Variants in HDAC10 observed in about 807,000 individuals in gnomAD.
HDAC10 encodes the protein polyamine deacetylase HDAC10.
HDAC10 carries 90 observed loss-of-function variants against 82.3 expected under a neutral mutation model. The ratio of observed to expected loss-of-function variants is 1.09; its 90% CI spans 0.92 to 1.30. The LOEUF (loss-of-function observed/expected upper bound fraction) is 1.30. Ranked by LOEUF, HDAC10 falls within the 50% of genes most tolerant of loss-of-function variation. The probability of loss-of-function intolerance (pLI) is 0.00; values close to 1 mark genes in which losing one functional copy is unlikely to be tolerated. For synonymous variants in HDAC10, 456 were observed against 391.7 expected (o/e 1.16, Z -1.94); for missense variants, 934 against 876.3 (o/e 1.07, Z -0.83).
Position 50,250,918 on chromosome 22 carries a change from A to T in HDAC10, c.60-13T>A. 6 of 1,605,874 alleles carry T rather than the reference A, an allele frequency of 3.7e-6. No individual in the cohort carries two copies. The highest frequency in any genetic ancestry group is 5.1e-6 in the Non-Finnish European group (6 of 1,176,156). On this transcript the variant is annotated splice_polypyrimidine_tract_variant and intron_variant, in intron 1 of 19. Coordinates refer to ENST00000216271, the MANE Select transcript of HDAC10 (RefSeq NM_032019.6). Reference sequence around the variant, plus strand: ...CTCGCACTCGGGGCTGGGGCAGATGAGGAGCTCAGTTCAGAGGTCCCTCCC... The same window carrying T: ...CTCGCACTCGGGGCTGGGGCAGATGTGGAGCTCAGTTCAGAGGTCCCTCCC...
intron 3 of HDAC10, 106 bp downstream of exon 3, chr22:50,250,321 G>A: frequency 3.2e-6 from 4 of 1,252,068 alleles, no homozygotes; most frequent in Non-Finnish European, 3.5e-6. Context: ...GCAATGTCAT[G>A]TGTATGGACC....
At position 50,247,873 on chromosome 22, in the gene HDAC10, A is replaced by G. The variant is rs1485278471; in HGVS notation, c.1337+17T>C. ...TAGATGCGGCCCCATCCTTCTCCCCAGGCCAGCCCTGCCCACCTGGCCCAG... is the reference window on the plus strand; with the variant it reads ...TAGATGCGGCCCCATCCTTCTCCCCGGGCCAGCCCTGCCCACCTGGCCCAG... On this transcript the variant is annotated intron_variant, in intron 13 of 19. Coordinates refer to ENST00000216271, the MANE Select transcript of HDAC10 (RefSeq NM_032019.6). The G allele has an allele frequency of 6.2e-7, 1 of 1,611,800 alleles. No homozygotes were observed. The highest frequency in any genetic ancestry group is 1.1e-5 in the South Asian group (1 of 91,006).
At position 50,250,078 on chromosome 22, in the gene HDAC10, C is replaced by A. The variant is rs768694539; in HGVS notation, c.374G>T (p.Gly125Val). ...CAGCTCTCACCTCACCAGGGCAAGC[C>A]CATTTTGCACAGCTCCAGTGAGCAC... ...DAVLTGAVQN[G>V]LALVRPPGHH... Residue 125 changes from glycine (G) to valine (V), a missense_variant, in exon 4 of 20, where the codon GGG becomes GTG. Coordinates refer to ENST00000216271, the MANE Select transcript of HDAC10 (RefSeq NM_032019.6). 9 of 1,612,758 alleles carry A rather than the reference C, an allele frequency of 5.6e-6. No homozygotes were observed. The highest frequency in any genetic ancestry group is 1.7e-5 in the Admixed American group (1 of 60,026).
At chr22:50,247,083 T>G in intron 14 of HDAC10, 117 bp from the exon 15 acceptor site, 3 of 601,648 alleles carry the variant, frequency 5.0e-6, no homozygotes, top group Non-Finnish European at 8.8e-6. Context: ...CCACACATCT[T>G]CTTACACTAA....
chr22:50,250,488 A>T lies in HDAC10; in HGVS notation c.230T>A (p.Val77Asp). Residue 77 changes from valine to aspartate, a missense_variant, in exon 3 of 20, where the codon GTC (valine) becomes GAC (aspartate). Physicochemically the swap from Val to Asp is radical, Grantham distance 152 (BLOSUM62 -3). Transcript: ENST00000216271. ...CGCCTGCAGCTCCTCCTTGCCTAGGACCTGGGTCTCCCTGACCAGGGATAC... is the reference window on the plus strand; with the variant it reads ...CGCCTGCAGCTCCTCCTTGCCTAGGTCCTGGGTCTCCCTGACCAGGGATAC... ...EYVSLVRETQVLGKEELQALS... is the reference protein window; with the variant it reads ...EYVSLVRETQDLGKEELQALS... 6.2e-7 allele frequency: 1 copy of T among 1,612,740 alleles called. No individual in the cohort carries two copies. Among genetic ancestry groups the T allele is most frequent in the Non-Finnish European group, 8.5e-7 (1 of 1,179,950 alleles).
In HDAC10 at chr22:50,248,970, C is replaced by A. The variant is rs948845508; in HGVS notation, c.757-80G>T. On this transcript the variant is annotated intron_variant, in intron 8 of 19. Transcript: ENST00000216271. The surrounding 1 kb of genome is among the most constrained non-coding windows in gnomAD (Gnocchi z 5.4). Reference sequence around the variant, plus strand: ...GAGGGCGAGCCAGGCCCATCCCATCCCCTCCTGAGCACCTTCCCCAGCCAC... The same window carrying A: ...GAGGGCGAGCCAGGCCCATCCCATCACCTCCTGAGCACCTTCCCCAGCCAC... The A allele has an allele frequency of 5.3e-6, 8 of 1,499,766 alleles. No individual in the cohort carries two copies. Among genetic ancestry groups the A allele is most frequent in the Non-Finnish European group, 7.3e-6 (8 of 1,094,240 alleles). 92.9% of individuals were successfully genotyped at this position (1,499,766 alleles called of 1,614,324 possible). A position where few individuals can be genotyped will look rare whatever the true frequency, so the allele number is the denominator to read the frequency against.
In HDAC10 at chr22:50,248,184, C is replaced by A; in HGVS notation, c.1082-39G>T. On this transcript the variant is annotated intron_variant, in intron 12 of 19. Coordinates refer to ENST00000216271, the MANE Select transcript of HDAC10 (RefSeq NM_032019.6). The surrounding 1 kb of genome is among the most constrained non-coding windows in gnomAD (Gnocchi z 5.4). ...GGAGTCATAGCCACTGCACAGGAGC[C>A]CGAGGTGGGATCCTGCAGCCTAGCA... The A allele has an allele frequency of 6.2e-7, 1 of 1,600,270 alleles. No homozygotes were observed. Among genetic ancestry groups the A allele is most frequent in the Non-Finnish European group, 8.5e-7 (1 of 1,173,674 alleles).
Position 50,251,045 on chromosome 22 carries a change from G to C in HDAC10, c.-13C>G. On this transcript the variant is annotated 5_prime_UTR_variant, in exon 1 of 20. Coordinates refer to ENST00000216271, the MANE Select transcript of HDAC10 (RefSeq NM_032019.6). ...GCGCGGTCCCCATGGCTGCGCCGTG[G>C]TCACCCTGGGTTCCCAAACGCCCTC... The C allele has an allele frequency of 1.2e-6, 2 of 1,607,354 alleles. No homozygotes were observed. Among genetic ancestry groups the C allele is most frequent in the South Asian group, 2.2e-5 (2 of 90,626 alleles).
At position 50,245,948 on chromosome 22, in the gene HDAC10, C is replaced by G; in HGVS notation, c.1795G>C (p.Gly599Arg). 6 of 1,599,648 alleles carry G rather than the reference C, an allele frequency of 3.8e-6. No individual in the cohort carries two copies. The highest frequency in any genetic ancestry group is 5.1e-6 in the Non-Finnish European group (6 of 1,174,124). Reference protein sequence around the residue: ...HAALLAAMLRGLAGGRVLALL... With the variant: ...HAALLAAMLRRLAGGRVLALL... Reference sequence around the variant, plus strand: ...GCCAGGACTCGGCCCCCTGCCAGCCCCCGAAGCATTGCAGCCAGGAGTGCA... The same window carrying G: ...GCCAGGACTCGGCCCCCTGCCAGCCGCCGAAGCATTGCAGCCAGGAGTGCA... The change falls in exon 18 of 20, where the codon GGG (glycine) becomes CGG (arginine). Residue 599 changes from glycine (G) to arginine (R), a missense_variant. Physicochemically the swap from Gly to Arg is moderately radical, Grantham distance 125. Transcript: ENST00000216271.
chr22:50,245,943 C>CA lies in HDAC10; in HGVS notation c.1799dup (p.Ala601GlyfsTer32). The CA allele has an allele frequency of 3.8e-6, 6 of 1,595,956 alleles. No individual in the cohort carries two copies. Among genetic ancestry groups the CA allele is most frequent in the Non-Finnish European group, 5.1e-6 (6 of 1,172,158 alleles). ...GGAGGGCCAGGACTCGGCCCCCTGCCAGCCCCCGAAGCATTGCAGCCAGGA... is the reference window on the plus strand; with the variant it reads ...GGAGGGCCAGGACTCGGCCCCCTGCCAAGCCCCCGAAGCATTGCAGCCAGGA... On this transcript the variant is annotated frameshift_variant, in exon 18 of 20. Coordinates refer to ENST00000216271, the MANE Select transcript of HDAC10 (RefSeq NM_032019.6). LOFTEE classifies it high-confidence loss of function.
rs757788385 is a variant in HDAC10, at chr22:50,248,220, C to T, written c.1081+5G>A. The T allele has an allele frequency of 3.7e-6, 6 of 1,611,430 alleles. No individual in the cohort carries two copies. Among genetic ancestry groups the T allele is most frequent in the East Asian group, 2.2e-5 (1 of 44,878 alleles). ...TCCTGCAGCCTAGCACCCGGCCACACTGACCTTGCTGCTGGAGGCTCTTCC... is the reference window on the plus strand; with the variant it reads ...TCCTGCAGCCTAGCACCCGGCCACATTGACCTTGCTGCTGGAGGCTCTTCC... On this transcript the variant is annotated splice_donor_5th_base_variant and intron_variant, in intron 12 of 19. Transcript: ENST00000216271. The surrounding 1 kb of genome is among the most constrained non-coding windows in gnomAD (Gnocchi z 5.4).
In HDAC10 at chr22:50,248,964, C is replaced by T; in HGVS notation, c.757-74G>A. On this transcript the variant is annotated intron_variant, in intron 8 of 19. Coordinates refer to ENST00000216271, the MANE Select transcript of HDAC10 (RefSeq NM_032019.6). The surrounding 1 kb of genome is among the most constrained non-coding windows in gnomAD (Gnocchi z 5.4). The stretch of plus-strand genomic sequence containing the variant: ...CCAGGTGAGGGCGAGCCAGGCCCAT[C>T]CCATCCCCTCCTGAGCACCTTCCCC... The T allele has an allele frequency of 6.6e-7, 1 of 1,512,224 alleles. No homozygotes were observed. Among genetic ancestry groups the T allele is most frequent in the South Asian group, 1.2e-5 (1 of 85,288 alleles). 93.7% of individuals were successfully genotyped at this position (1,512,224 alleles called of 1,614,324 possible).
In HDAC10 at chr22:50,246,754, T is replaced by A. The variant is rs1376469025; in HGVS notation, c.1515-19A>T. 1.9e-6 allele frequency: 3 copies of A among 1,612,906 alleles called. No individual in the cohort carries two copies. The highest frequency in any genetic ancestry group is 2.5e-6 in the Non-Finnish European group (3 of 1,179,824). Reference sequence around the variant, plus strand: ...CAGCAGCCTGGAAGAAGAGCTGGCCTCAGGACAGGTGTTCATGTTGTCCAG... The same window carrying A: ...CAGCAGCCTGGAAGAAGAGCTGGCCACAGGACAGGTGTTCATGTTGTCCAG... On this transcript the variant is annotated intron_variant, in intron 15 of 19. Coordinates refer to ENST00000216271, the MANE Select transcript of HDAC10 (RefSeq NM_032019.6).
intron 3 of HDAC10, 56 bp downstream of exon 3, chr22:50,250,371 G>C: frequency 1.3e-6 from 2 of 1,535,826 alleles, no homozygotes; most frequent in Admixed American, 3.3e-5. Context: ...GGCTGTGAAC[G>C]CTCAAAGGCA....
rs1012057280 is a variant in HDAC10, at chr22:50,245,217, G to A, written c.*290C>T. The A allele has an allele frequency of 3.5e-6, 2 of 566,450 alleles. No homozygotes were observed. Among genetic ancestry groups the A allele is most frequent in the East Asian group, 3.1e-5 (1 of 32,190 alleles). The allele number at this position is 566,450 out of a possible 1,614,324, so 35.1% of individuals were successfully genotyped here. A position where few individuals can be genotyped will look rare whatever the true frequency, so the allele number is the denominator to read the frequency against. On this transcript the variant is annotated 3_prime_UTR_variant, in exon 20 of 20. Transcript: ENST00000216271. ...AGCGATGTTTACTAACGGCGCAAGG[G>A]CGGGGAGCGAAGCGCAGCGGGGCGC...
chr22:50,246,942 G>A lies in HDAC10; in HGVS notation c.1447C>T (p.Pro483Ser). 1.2e-6 allele frequency: 2 copies of A among 1,610,816 alleles called. No individual in the cohort carries two copies. Among genetic ancestry groups the A allele is most frequent in the Admixed American group, 1.7e-5 (1 of 59,874 alleles). Reference sequence around the variant, plus strand: ...AGGGTGGCTGCTGCAGCAGAGGCTGGAGTGGCTGCTATACCACTGTTCACC... The same window carrying A: ...AGGGTGGCTGCTGCAGCAGAGGCTGAAGTGGCTGCTATACCACTGTTCACC... Reference protein sequence around the residue: ...GQVNSGIAATPASAAAATLDV... With the variant: ...GQVNSGIAATSASAAAATLDV... The change falls in exon 15 of 20, where the codon CCA becomes TCA. Residue 483 changes from proline to serine, a missense_variant. Physicochemically the swap from Pro to Ser is moderately conservative, Grantham distance 74. Coordinates refer to ENST00000216271, the MANE Select transcript of HDAC10 (RefSeq NM_032019.6).
At chr22:50,250,020 G>A (rs768050704) in intron 4 of HDAC10, 43 bp downstream of exon 4, 38 of 1,609,638 alleles carry the variant, frequency 2.4e-5, no homozygotes, top group Admixed American at 5.0e-5. Context: ...CCCCTCACAG[G>A]GCCACCCACG....
Position 50,249,714 on chromosome 22 carries a change from A to C in HDAC10, c.495-11T>G, listed in dbSNP as rs779383538. Reference sequence around the variant, plus strand: ...TCCACGACGAGGATCCTGGGTACAGACAGCGCTGGTGGCAAAGGGGCAGGG... The same window carrying C: ...TCCACGACGAGGATCCTGGGTACAGCCAGCGCTGGTGGCAAAGGGGCAGGG... On this transcript the variant is annotated splice_polypyrimidine_tract_variant and intron_variant, in intron 5 of 19. Transcript: ENST00000216271. The surrounding 1 kb of genome is among the most constrained non-coding windows in gnomAD (Gnocchi z 4.4). 6.2e-7 allele frequency: 1 copy of C among 1,612,514 alleles called. No individual in the cohort carries two copies. Among genetic ancestry groups the C allele is most frequent in the South Asian group, 1.1e-5 (1 of 91,084 alleles).
intron 2 of HDAC10, 47 bp from the exon 3 acceptor site, chr22:50,250,570 C>G: frequency 6.7e-7 from 1 of 1,487,646 alleles, no homozygotes; most frequent in Non-Finnish European, 9.3e-7. Flanking sequence ...CCAGCAGGAG[C>G]AGGGGGGCGG....
Sources: gnomAD v4.1 joint callset for allele counts on GRCh38, gnomAD v4.1.1 for gene constraint, Gnocchi (gnomAD v3.1) non-coding constraint, MANE v1.5 for transcripts, NCBI Gene and HGNC (gene_info 2026-07-23, HGNC 2026-07-21) for gene names.